The following RPS3A variants were observed in gnomAD, a reference collection of about 807,000 sequenced individuals.
RPS3A encodes the protein small ribosomal subunit protein eS1.
A neutral mutation model predicts 26.4 loss-of-function variants in RPS3A; 1 was observed. The observed-to-expected ratio is 0.04, with a 90% CI of 0.01 to 0.18. The LOEUF (loss-of-function observed/expected upper bound fraction) is 0.18, where lower values mean the gene tolerates loss of function less well. Among genes scored for constraint, RPS3A ranks in the 10% least tolerant of loss-of-function variants. The pLI is 1.00. For missense variants in RPS3A, 139 were observed against 326.8 expected, an observed-to-expected ratio of 0.43 and a Z score of 4.43; for synonymous variants, 97 against 106.1, an observed-to-expected ratio of 0.91 and a Z score of 0.53.
intron 2 of RPS3A, 149 bp downstream of exon 2, chr4:151,100,737 TTAGTACAGCAC>T: frequency 1.6e-6 from 1 of 644,120 alleles, no homozygotes; most frequent in Non-Finnish European, 2.7e-6. Flanking sequence ...GTGATCATTT[TTAGTACAGCAC>T]TTGGAGAGAA....
chr4:151,103,234 T>G (rs1747209605), intron 4 of RPS3A, 155 bp downstream of exon 4: 1 of 1,324,002 alleles, frequency 7.6e-7, no homozygotes, highest in South Asian at 1.6e-5. Flanking sequence ...TGTTAAGTAC[T>G]CAGTAAATAT....
chr4:151,103,552 C>T (rs975177448), intron 4 of RPS3A: 1 of 1,032,390 alleles, frequency 9.7e-7, no homozygotes, highest in South Asian at 3.3e-5. Flanking sequence ...TTGAATGAAG[C>T]TGTCTCACAG....
intron 1 of RPS3A, 129 bp downstream of exon 1, chr4:151,099,843 G>A (rs1747036936): frequency 9.6e-7 from 1 of 1,040,560 alleles, no homozygotes; most frequent in South Asian, 1.4e-5. Flanking sequence ...GCGGGTTGGT[G>A]CACCCAGGAA....
intron 3 of RPS3A, among the ~76,000 whole-genome samples, chr4:151,101,871 T>G (rs1747129363): frequency 6.6e-6 from 1 of 152,118 alleles, no homozygotes; most frequent in Non-Finnish European, 1.5e-5. Flanking sequence ...TAGCTGGGAT[T>G]ACAGGCACCC....
intron 4 of RPS3A, chr4:151,103,936 A>C: frequency 6.6e-7 from 1 of 1,519,632 alleles, no homozygotes; most frequent in Non-Finnish European, 8.9e-7. Flanking sequence ...TGGAAAAAGC[A>C]TAAGGCTTGG....
intron 3 of RPS3A, chr4:151,102,217 G>T (rs767548174): frequency 3.3e-6 from 1 of 303,386 alleles, no homozygotes; most frequent in Non-Finnish European, 6.6e-6. Context: ...TTTATACTAA[G>T]GTATAAAATT....
Position 151,104,439 on chromosome 4 carries a change from GTTTTTTTTTTTTTTT to G in RPS3A, c.674-24_674-10del. 1 of 710,330 alleles carries G rather than the reference GTTTTTTTTTTTTTTT, an allele frequency of 1.4e-6. No individual in the cohort carries two copies. The highest frequency in any genetic ancestry group is 1.8e-6 in the Non-Finnish European group (1 of 550,590). The allele number at this position is 710,330 out of a possible 1,614,324, so 44.0% of individuals were successfully genotyped here. A position where few individuals can be genotyped will look rare whatever the true frequency, so the allele number is the denominator to read the frequency against. On this transcript the variant is annotated intron_variant, in intron 5 of 5. Coordinates refer to ENST00000274065, the MANE Select transcript of RPS3A (RefSeq NM_001006.5). ...TTCAAGATATACTAACAGTTTTTTGGTTTTTTTTTTTTTTTTTTTTTTTGCCTTTTAGTGGGAAAG... is the reference window on the plus strand; with the variant it reads ...TTCAAGATATACTAACAGTTTTTTGGTTTTTTTTGCCTTTTAGTGGGAAAG...
chr4:151,101,382 A>G (rs1747107556), intron 3 of RPS3A, among the ~76,000 whole-genome samples: 1 of 152,204 alleles, frequency 6.6e-6, no homozygotes, highest in African/African-American at 2.4e-5. Context: ...AAGATTTAAT[A>G]GTGGTGTATC....
chr4:151,103,856 G>C (rs746342761), intron 4 of RPS3A: 1 of 1,402,778 alleles, frequency 7.1e-7, no homozygotes, highest in African/African-American at 1.4e-5. Context: ...TTCGGTCCCA[G>C]ATGATGGCCA....
Position 151,103,065 on chromosome 4 carries a change from A to G in RPS3A, c.549A>G (p.Glu183=). ...AGGTGCAGACAAATGACTTGAAAGAAGTGGTCAATAAATTGTAAGTGTTTC... is the reference window on the plus strand; with the variant it reads ...AGGTGCAGACAAATGACTTGAAAGAGGTGGTCAATAAATTGTAAGTGTTTC... ...TREVQTNDLK[E]VVNKLIPDSI... is the part of the protein sequence containing the mutation. The change falls in exon 4 of 6, where the codon GAA becomes GAG. Residue 183 remains glutamate, a synonymous_variant. Transcript: ENST00000274065. 6.3e-7 allele frequency: 1 copy of G among 1,598,588 alleles called. No homozygotes were observed. Among genetic ancestry groups the G allele is most frequent in the South Asian group, 1.1e-5 (1 of 90,918 alleles).
chr4:151,101,531 C>T (rs777561699), intron 3 of RPS3A, among the ~76,000 whole-genome samples: 25 of 152,166 alleles, frequency 1.6e-4, no homozygotes, highest in Middle Eastern at 6.8e-3. Context: ...GGCAGTAGAG[C>T]ATAATTGTGG....
At chr4:151,103,102 A>T (rs772139014) in intron 4 of RPS3A, 23 bp downstream of exon 4, 1 of 1,587,704 alleles carries the variant, frequency 6.3e-7, no homozygotes, top group Non-Finnish European at 8.5e-7. Context: ...TTGCTTCCTC[A>T]CACAACACAA....
intron 4 of RPS3A, chr4:151,103,813 T>G: frequency 1.5e-6 from 2 of 1,360,618 alleles, no homozygotes; most frequent in Non-Finnish European, 1.9e-6. Flanking sequence ...CTTTCATGAT[T>G]AATGATGCAC....
rs532658445 is a variant in RPS3A, at chr4:151,103,180, C to G, written c.563+101C>G. On this transcript the variant is annotated intron_variant, in intron 4 of 5. Coordinates refer to ENST00000274065, the MANE Select transcript of RPS3A (RefSeq NM_001006.5). ...AGACAAGGTAAAGGTCTGTTGAAAT[C>G]CTGTCTGTGAATCCTTCTAGCTATA... 268 of 1,464,856 alleles carry G rather than the reference C, an allele frequency of 1.8e-4. 2 individuals are homozygous for G. The East Asian group carries it at 5.8e-3, about 32-fold the overall frequency. The allele number at this position is 1,464,856 out of a possible 1,614,324, so 90.7% of individuals were successfully genotyped here.
intron 1 of RPS3A, 123 bp from the exon 2 acceptor site, chr4:151,100,362 G>C (rs2149702973): frequency 1.6e-6 from 1 of 624,892 alleles, no homozygotes; most frequent in African/African-American, 1.8e-5. Flanking sequence ...CTCACTGTGA[G>C]ATATACTTTG....
intron 3 of RPS3A, among the ~76,000 whole-genome samples, chr4:151,101,507 T>C (rs929220539): frequency 6.6e-6 from 1 of 152,202 alleles, no homozygotes. Context: ...ATTGAGTGAA[T>C]GTTGATTAAC....
intron 1 of RPS3A, 74 bp downstream of exon 1, chr4:151,099,788 CG>C: frequency 6.8e-7 from 1 of 1,469,496 alleles, no homozygotes; most frequent in Non-Finnish European, 9.4e-7. Context: ...TAGATCGCGG[CG>C]TAGGCCGGAT....
chr4:151,103,054 G>C lies in RPS3A; in HGVS notation c.538G>C (p.Asp180His). The C allele has an allele frequency of 6.3e-7, 1 of 1,599,288 alleles. No homozygotes were observed. Among genetic ancestry groups the C allele is most frequent in the Non-Finnish European group, 8.5e-7 (1 of 1,179,512 alleles). Reference sequence around the variant, plus strand: ...CATGACCCGAGAGGTGCAGACAAATGACTTGAAAGAAGTGGTCAATAAATT... The same window carrying C: ...CATGACCCGAGAGGTGCAGACAAATCACTTGAAAGAAGTGGTCAATAAATT... ...EIMTREVQTN[D>H]LKEVVNKLIP... The change falls in exon 4 of 6, where the codon GAC becomes CAC. Residue 180 changes from aspartate (D) to histidine (H), a missense_variant. Asp to His is a moderately conservative substitution (Grantham distance 81). Around this residue, in one of 3 missense-constraint regions of RPS3A, gnomAD observed 96 missense variants for 209.8 expected, o/e 0.46. Transcript: ENST00000274065.
chr4:151,103,493 T>C, intron 4 of RPS3A: 1 of 975,952 alleles, frequency 1.0e-6, no homozygotes, highest in Non-Finnish European at 1.2e-6. Flanking sequence ...TGACTTCAGG[T>C]GATCTGCCAG....
Sources: allele counts gnomAD v4.1 joint callset (sites outside exome capture counted in the v4.1 genomes callset), GRCh38; gene constraint gnomAD v4.1.1; regional missense constraint gnomAD v4.1.1; transcripts MANE v1.5; gene names NCBI Gene and HGNC (gene_info 2026-07-23, HGNC 2026-07-21).